Variants in CFAP68 observed in about 807,000 individuals in gnomAD.
The protein encoded by CFAP68 is cilia and flagella associated protein 68.
At chr11:111,883,979 A>T in the CFAP68 span, 1 of 873,516 alleles carries the variant, frequency 1.1e-6, no homozygotes, top group Non-Finnish European at 1.8e-6. Flanking sequence ...TCCAGAGTGA[A>T]ATGTAGGAGG....
chr11:111,883,770 G>A, the CFAP68 span: 13 of 1,601,624 alleles, frequency 8.1e-6, no homozygotes, highest in African/African-American at 1.1e-4. Flanking sequence ...TCTTCCCTCA[G>A]GATTTAAGCG....
At chr11:111,883,751 CTT>C in the CFAP68 span, 1 of 1,513,292 alleles carries the variant, frequency 6.6e-7, no homozygotes, top group Non-Finnish European at 9.1e-7. Context: ...TCTTTCCTTC[CTT>C]TTTTTTTCTT....
the CFAP68 span, chr11:111,880,996 A>G: frequency 3.2e-6 from 1 of 315,746 alleles, no homozygotes; most frequent in South Asian, 2.6e-5. Context: ...GGCTGATGGC[A>G]TGGCAGGATA....
chr11:111,879,579 C>T, the CFAP68 span: 1 of 1,614,120 alleles, frequency 6.2e-7, no homozygotes, highest in South Asian at 1.1e-5. Context: ...CTCCCAGTGT[C>T]TCTGCTGCTC....
chr11:111,881,174 T>TG, the CFAP68 span: 2 of 1,264,990 alleles, frequency 1.6e-6, no homozygotes, highest in Non-Finnish European at 2.0e-6. Flanking sequence ...GCTTCTGGCT[T>TG]GGACAACTGA....
chr11:111,882,585 C>G, the CFAP68 span: 2 of 1,575,050 alleles, frequency 1.3e-6, no homozygotes, highest in Non-Finnish European at 1.7e-6. Context: ...CAGCCCAAAC[C>G]CTTGCCTTCC....
the CFAP68 span, chr11:111,880,960 G>A: frequency 8.4e-6 from 3 of 357,752 alleles, no homozygotes; most frequent in East Asian, 7.7e-5. Context: ...CTCCTTTCCT[G>A]TGGAGAAAGG....
At chr11:111,883,541 A>G in the CFAP68 span, among the ~76,000 whole-genome samples, 1 of 152,052 alleles carries the variant, frequency 6.6e-6, no homozygotes, top group Non-Finnish European at 1.5e-5. Flanking sequence ...TTCAGTGAGC[A>G]GAAATCAAGC....
At chr11:111,882,442 G>A in the CFAP68 span, 5 of 1,614,212 alleles carry the variant, frequency 3.1e-6, no homozygotes, top group South Asian at 1.1e-5. Flanking sequence ...ATGGTGAAGT[G>A]TGGACAGATT....
the CFAP68 span, chr11:111,881,197 G>A: frequency 1.7e-5 from 22 of 1,300,804 alleles, no homozygotes; most frequent in South Asian, 1.1e-4. Context: ...GGATGGTGAT[G>A]TCTGTCATTC....
chr11:111,880,081 A>G, the CFAP68 span, among the ~76,000 whole-genome samples: 1 of 152,128 alleles, frequency 6.6e-6, no homozygotes, highest in Non-Finnish European at 1.5e-5. Flanking sequence ...ATCAACTTTT[A>G]TTTTACAAAT....
the CFAP68 span, chr11:111,881,190 T>A: frequency 7.7e-7 from 1 of 1,290,338 alleles, no homozygotes; most frequent in African/African-American, 1.5e-5. Flanking sequence ...ACTGAGTGGA[T>A]GGTGATGTCT....
chr11:111,881,098 A>G, the CFAP68 span: 2 of 800,676 alleles, frequency 2.5e-6, no homozygotes, highest in South Asian at 2.3e-5. Context: ...GTCTGATTCA[A>G]AAATCAACAA....
the CFAP68 span, chr11:111,883,098 G>T: frequency 7.0e-7 from 1 of 1,419,590 alleles, no homozygotes; most frequent in South Asian, 1.2e-5. Flanking sequence ...GTTAGCTGTA[G>T]ACTTCCAGAT....
At chr11:111,879,662 G>T in the CFAP68 span, 2 of 1,559,596 alleles carry the variant, frequency 1.3e-6, no homozygotes, top group African/African-American at 1.4e-5. Flanking sequence ...TGTCTATTGC[G>T]TGCCAGGCCA....
chr11:111,880,648 AC>A, the CFAP68 span: 1 of 387,330 alleles, frequency 2.6e-6, no homozygotes, highest in South Asian at 1.9e-5. Flanking sequence ...TATATAATCA[AC>A]AACCATAAAA....
chr11:111,882,518 A>G, the CFAP68 span: 3 of 1,614,074 alleles, frequency 1.9e-6, no homozygotes, highest in African/African-American at 2.7e-5. Context: ...TACCTATTCA[A>G]ACCGTACCCT....
chr11:111,879,752 A>C, the CFAP68 span: 13 of 838,720 alleles, frequency 1.5e-5, no homozygotes, highest in Non-Finnish European at 2.1e-5. Context: ...TGGGGAATGC[A>C]CAGAGCAAAA....
chr11:111,882,219 G>C, the CFAP68 span: 1 of 667,092 alleles, frequency 1.5e-6, no homozygotes, highest in South Asian at 2.0e-5. Context: ...CCAGGACTTA[G>C]AGAAGAAGAA....
Sources: gnomAD v4.1 joint callset for allele counts (sites outside exome capture counted in the v4.1 genomes callset) on GRCh38, gnomAD v4.1.1 for gene constraint, MANE v1.5 for transcripts, NCBI Gene and HGNC (gene_info 2026-07-23, HGNC 2026-07-21) for gene names.